The following ERC2 variants were observed in gnomAD, a reference collection of about 807,000 sequenced individuals.
ERC2 encodes the protein ERC protein 2.
A neutral mutation model predicts 114.8 loss-of-function variants in ERC2; 42 were observed. That is an observed-to-expected ratio of 0.37 (90% CI 0.29 to 0.47). The LOEUF (loss-of-function observed/expected upper bound fraction) is 0.47, where lower values mean the gene tolerates loss of function less well. Ranked by LOEUF, ERC2 falls within the 20% of genes least tolerant of loss-of-function variation. The pLI is 0.99. For missense variants in ERC2, 939 were observed against 1,150.7 expected (o/e 0.82, Z 2.66); for synonymous variants, 454 against 425.5 (o/e 1.07, Z -0.82).
chr3:56,249,606 G>A (rs999141894), intron 3 of ERC2, among the ~76,000 whole-genome samples: 2 of 152,132 alleles, frequency 1.3e-5, no homozygotes, highest in Admixed American at 6.5e-5. Flanking sequence ...GATTACAGGC[G>A]TGAACCACCG....
chr3:56,403,426 T>G (rs1392360228), intron 2 of ERC2, among the ~76,000 whole-genome samples: 1 of 152,190 alleles, frequency 6.6e-6, no homozygotes, highest in Non-Finnish European at 1.5e-5. Context: ...TTTCCAGTGC[T>G]CAATAGCCAG....
chr3:56,155,110 T>A (rs146605736), intron 4 of ERC2, among the ~76,000 whole-genome samples: 72 of 152,298 alleles, frequency 4.7e-4, no homozygotes, highest in Middle Eastern at 3.4e-3. Flanking sequence ...CTATCGCACA[T>A]ATCTATTACT....
chr3:56,120,129 G>GA (rs931767946), intron 6 of ERC2, among the ~76,000 whole-genome samples: 5 of 151,590 alleles, frequency 3.3e-5, no homozygotes, highest in African/African-American at 7.3e-5. Context: ...TGCCAGCATT[G>GA]AAAAAAAAGA....
chr3:55,834,909 C>G (rs181880034), intron 14 of ERC2, among the ~76,000 whole-genome samples: 1 of 145,888 alleles, frequency 6.9e-6, no homozygotes, highest in African/African-American at 2.6e-5. Context: ...AAAAAATGAT[C>G]AAGGGGATAT....
intron 14 of ERC2, among the ~76,000 whole-genome samples, chr3:55,791,612 T>C (rs185739514): frequency 6.6e-6 from 1 of 152,330 alleles, no homozygotes; most frequent in Admixed American, 6.5e-5. Context: ...AAACTGCTTT[T>C]ATTTTCAAGA....
At chr3:55,757,315 A>G (rs1040462275) in intron 14 of ERC2, among the ~76,000 whole-genome samples, 5 of 152,218 alleles carry the variant, frequency 3.3e-5, no homozygotes, top group Non-Finnish European at 7.3e-5. Flanking sequence ...TAAATTTGGA[A>G]TTTTAAAGAA....
At chr3:55,594,880 C>T (rs977727097) in intron 17 of ERC2, among the ~76,000 whole-genome samples, 2 of 152,082 alleles carry the variant, frequency 1.3e-5, no homozygotes, top group African/African-American at 4.8e-5. Flanking sequence ...GTCACCACCA[C>T]CAGCATTATC....
intron 17 of ERC2, among the ~76,000 whole-genome samples, chr3:55,520,967 G>A (rs1415171449): frequency 6.6e-6 from 1 of 152,148 alleles, no homozygotes; most frequent in Non-Finnish European, 1.5e-5. Flanking sequence ...AGGCATTCTG[G>A]AGAATTTGAA....
rs551740406 is a variant in ERC2 at position 56,156,587 on chromosome 3, T to C, written c.1150-7455A>G. On this transcript the variant is annotated intron_variant, in intron 4 of 17. Transcript: ENST00000288221. ...GGGTACTCTGAGGGTTTGGGGTAGC[T>C]GTAGAAGTGTTGCAATATTTTAGCA... is the stretch of plus-strand genomic sequence containing the variant. Among the ~76,000 whole-genome samples, 16 of 152,276 alleles carry C rather than the reference T, an allele frequency of 1.1e-4. No homozygotes were observed. The East Asian group carries it at 3.1e-3, about 29-fold the overall frequency.
At chr3:56,162,846 ATTTTTGGGTC>A (rs1432545486) in intron 4 of ERC2, among the ~76,000 whole-genome samples, 1 of 151,706 alleles carries the variant, frequency 6.6e-6, no homozygotes, top group African/African-American at 2.4e-5. Flanking sequence ...CTTTGTATGC[ATTTTTGGGTC>A]TCAATTGTGT....
At chr3:55,644,569 G>A (rs1218602167) in intron 17 of ERC2, among the ~76,000 whole-genome samples, 1 of 151,968 alleles carries the variant, frequency 6.6e-6, no homozygotes, top group East Asian at 1.9e-4. Flanking sequence ...GTCACTGTCA[G>A]GGACAAAAAA....
chr3:56,360,054 C>T (rs1038640751), intron 2 of ERC2, among the ~76,000 whole-genome samples: 10 of 129,456 alleles, frequency 7.7e-5, no homozygotes, highest in African/African-American at 2.8e-4. Flanking sequence ...TCAATAGTAA[C>T]AAAAATCTTT....
At chr3:55,952,859 A>G (rs548870827) in intron 12 of ERC2, among the ~76,000 whole-genome samples, 142 of 152,302 alleles carry the variant, frequency 9.3e-4, no homozygotes, top group Middle Eastern at 3.4e-3. Flanking sequence ...AGAAAAAAGC[A>G]TATTCTAAAC....
chr3:55,661,278 C>T (rs1273884456), intron 17 of ERC2, among the ~76,000 whole-genome samples: 2 of 152,214 alleles, frequency 1.3e-5, no homozygotes, highest in African/African-American at 2.4e-5. Context: ...TTTTGCAGCT[C>T]TGAGGCTGAA....
chr3:55,719,495 A>G (rs1398899131), intron 15 of ERC2, among the ~76,000 whole-genome samples: 1 of 152,150 alleles, frequency 6.6e-6, no homozygotes, highest in Non-Finnish European at 1.5e-5. Flanking sequence ...AACAATTCTA[A>G]ATTACATATT....
At chr3:56,275,827 A>G (rs1183208354) in intron 3 of ERC2, among the ~76,000 whole-genome samples, 1 of 152,158 alleles carries the variant, frequency 6.6e-6, no homozygotes, top group African/African-American at 2.4e-5. Context: ...TTTTTGATTG[A>G]CATGACTTGG....
intron 7 of ERC2, among the ~76,000 whole-genome samples, chr3:56,055,499 A>T (rs2075974387): frequency 6.6e-6 from 1 of 152,174 alleles, no homozygotes; most frequent in African/African-American, 2.4e-5. Flanking sequence ...AAATATATTT[A>T]TGTCTGGTTC....
intron 2 of ERC2, among the ~76,000 whole-genome samples, chr3:56,335,608 AG>A (rs1212575076): frequency 6.6e-6 from 1 of 152,196 alleles, no homozygotes; most frequent in Non-Finnish European, 1.5e-5. Context: ...TTGATAATGG[AG>A]CTTGTAAATT....
intron 2 of ERC2, among the ~76,000 whole-genome samples, chr3:56,430,957 T>C (rs756783552): frequency 6.6e-6 from 1 of 152,204 alleles, no homozygotes; most frequent in African/African-American, 2.4e-5. Flanking sequence ...GACTTTGGCA[T>C]GAAATAGACC....
Sources: gnomAD v4.1 joint callset for allele counts (sites outside exome capture counted in the v4.1 genomes callset) on GRCh38, gnomAD v4.1.1 for gene constraint, MANE v1.5 for transcripts, NCBI Gene and HGNC (gene_info 2026-07-23, HGNC 2026-07-21) for gene names.